The following C2orf42 variants were observed in gnomAD, a reference collection of about 807,000 sequenced individuals.
C2orf42 encodes the protein uncharacterized protein C2orf42.
C2orf42 carries 44 observed loss-of-function variants against 58.9 expected under a neutral mutation model. That is an observed-to-expected ratio of 0.75 (90% confidence interval 0.59 to 0.96). The LOEUF (loss-of-function observed/expected upper bound fraction) is 0.96, where lower values mean the gene tolerates loss of function less well. Ranked by LOEUF, C2orf42 falls within the 40% of genes least tolerant of loss-of-function variation. C2orf42 has a pLI of 0.00. For synonymous variants in C2orf42, 239 were observed against 265.4 expected (o/e 0.90, Z 0.97); for missense variants, 630 against 699.2 (o/e 0.90, Z 1.12).
chr2:70,164,233 G>A (rs1673248423), intron 8 of C2orf42, among the ~76,000 whole-genome samples: 1 of 151,858 alleles, frequency 6.6e-6, no homozygotes, highest in Non-Finnish European at 1.5e-5. Context: ...ATCCCAAGAG[G>A]TGGAGGTAGA....
At position 70,179,520 on chromosome 2, in the gene C2orf42, C is replaced by G. The variant is rs1351705183; in HGVS notation, c.934+12G>C. 1 of 1,152,804 alleles carries G rather than the reference C, an allele frequency of 8.7e-7. No individual in the cohort carries two copies. The highest frequency in any genetic ancestry group is 1.3e-6 in the Non-Finnish European group (1 of 768,782). 71.4% of individuals were successfully genotyped at this position (1,152,804 alleles called of 1,614,324 possible). A position where few individuals can be genotyped will look rare whatever the true frequency, so the allele number is the denominator to read the frequency against. ...AAGACAATACCACCAAACCAACCAA[C>G]CAGACTCTTACCAGATACTTCATCC... On this transcript the variant is annotated intron_variant, in intron 4 of 9. Transcript: ENST00000264434.
chr2:70,189,758 G>A (rs1211396512), intron 1 of C2orf42, among the ~76,000 whole-genome samples: 1 of 151,436 alleles, frequency 6.6e-6, no homozygotes, highest in East Asian at 1.9e-4. Flanking sequence ...TGGACGTGGT[G>A]GCTCACGCCT....
At chr2:70,187,400 G>C (rs116423653) in intron 1 of C2orf42, among the ~76,000 whole-genome samples, 1,542 of 152,018 alleles carry the variant, frequency 0.01, 37 homozygotes, top group African/African-American at 0.036. Context: ...ACAGGTACCT[G>C]CTACCACGCC....
At chr2:70,173,259 C>T (rs562156562) in intron 5 of C2orf42, among the ~76,000 whole-genome samples, 25 of 146,478 alleles carry the variant, frequency 1.7e-4, no homozygotes, top group Admixed American at 4.8e-4. Flanking sequence ...TGCCTAAGTG[C>T]GTAAGTTCTT....
At chr2:70,154,387 A>AC (rs763918673) in intron 9 of C2orf42, among the ~76,000 whole-genome samples, 1 of 141,560 alleles carries the variant, frequency 7.1e-6, no homozygotes, top group East Asian at 2.2e-4. Flanking sequence ...ACATAGTAAG[A>AC]CCCCCATCTC....
chr2:70,159,065 T>C (rs1397634714), intron 9 of C2orf42, among the ~76,000 whole-genome samples: 3 of 150,472 alleles, frequency 2.0e-5, no homozygotes, highest in African/African-American at 7.3e-5. Context: ...TTTTTTGTAT[T>C]TTAGTAGAGA....
Position 70,150,492 on chromosome 2 carries a change from G to C in C2orf42, c.1589C>G (p.Ser530Cys). 6.2e-7 allele frequency: 1 copy of C among 1,614,128 alleles called. No homozygotes were observed. The highest frequency in any genetic ancestry group is 8.5e-7 in the Non-Finnish European group (1 of 1,179,978). ...IEWIPDILPQ[S>C]KIGELRIKFE... ...CTTGATCCGCAGCTCGCCAATCTTAGATTGGGGAAGGATATCTGGGATCCA... is the reference window on the plus strand; with the variant it reads ...CTTGATCCGCAGCTCGCCAATCTTACATTGGGGAAGGATATCTGGGATCCA... Residue 530 changes from serine (S) to cysteine (C), a missense_variant, in exon 10 of 10, where the codon TCT becomes TGT. Ser to Cys is a moderately radical substitution (Grantham distance 112, BLOSUM62 -1). Coordinates refer to ENST00000264434, the MANE Select transcript of C2orf42 (RefSeq NM_017880.3).
chr2:70,154,414 T>TAAAAAAAAAAAAAAAAAA (rs36028499), intron 9 of C2orf42, among the ~76,000 whole-genome samples: 2 of 25,600 alleles, frequency 7.8e-5, no homozygotes, highest in African/African-American at 2.9e-4. Flanking sequence ...AAATTTTTAC[T>TAAAAAAAAAAAAAAAAAA]AAAAAAAAAA....
At chr2:70,162,387 C>T (rs1441045279) in intron 8 of C2orf42, among the ~76,000 whole-genome samples, 3 of 151,504 alleles carry the variant, frequency 2.0e-5, no homozygotes, top group African/African-American at 7.3e-5. Flanking sequence ...CTGGCTCACG[C>T]CTGTAATCCC....
chr2:70,153,129 C>A lies in C2orf42; in HGVS notation c.1517-2565G>T, dbSNP rs192692248. On this transcript the variant is annotated intron_variant, in intron 9 of 9. Transcript: ENST00000264434. ...TTTGGGTGTGAGAAGGAGGAGAAACCCTTGAAAACTATATATGCGGGGAAT... is the reference window on the plus strand; with the variant it reads ...TTTGGGTGTGAGAAGGAGGAGAAACACTTGAAAACTATATATGCGGGGAAT... Among the ~76,000 whole-genome samples the A allele has an allele frequency of 2.0e-4, 30 of 152,062 alleles. 1 individual carries two copies. Among genetic ancestry groups the A allele is most frequent in the Non-Finnish European group, 2.9e-5 (2 of 68,006 alleles).
chr2:70,169,635 G>T lies in C2orf42; in HGVS notation c.1066C>A (p.Gln356Lys), dbSNP rs1673658401. The T allele has an allele frequency of 1.2e-6, 2 of 1,606,704 alleles. No homozygotes were observed. Among genetic ancestry groups the T allele is most frequent in the Admixed American group, 1.7e-5 (1 of 59,910 alleles). The stretch of plus-strand genomic sequence containing the variant: ...CAGTCTTGGAAGGATAAAGTCACTT[G>T]TGCCTCATCTAACAGCTGACCACAG... ...QACGQLLDEA[Q>K]VTLSFQDWLA... Residue 356 changes from glutamine to lysine, a missense_variant, in exon 6 of 10, where the codon CAA (glutamine) becomes AAA (lysine). Physicochemically the swap from Gln to Lys is moderately conservative, Grantham distance 53. Coordinates refer to ENST00000264434, the MANE Select transcript of C2orf42 (RefSeq NM_017880.3).
intron 9 of C2orf42, among the ~76,000 whole-genome samples, chr2:70,152,612 T>C (rs1224256068): frequency 6.6e-6 from 1 of 152,144 alleles, no homozygotes; most frequent in Non-Finnish European, 1.5e-5. Flanking sequence ...GGCTAGTACT[T>C]GTACAGAGCA....
intron 5 of C2orf42, among the ~76,000 whole-genome samples, chr2:70,173,943 G>A (rs1344699298): frequency 1.3e-4 from 20 of 152,214 alleles, no homozygotes; most frequent in Non-Finnish European, 2.8e-4. Context: ...TTGCACATGA[G>A]TAATAAGCAA....
chr2:70,150,639 CGGAA>C (rs1672252779), intron 9 of C2orf42, 75 bp from the exon 10 acceptor site: 2 of 1,070,400 alleles, frequency 1.9e-6, no homozygotes, highest in African/African-American at 3.1e-5. Flanking sequence ...AAAAAGTGTC[CGGAA>C]TTGGAGCAGC....
chr2:70,151,027 G>A (rs1672277557), intron 9 of C2orf42, among the ~76,000 whole-genome samples: 1 of 152,194 alleles, frequency 6.6e-6, no homozygotes, highest in African/African-American at 2.4e-5. Flanking sequence ...ACAGGCGTGA[G>A]CCACCACGCC....
intron 9 of C2orf42, among the ~76,000 whole-genome samples, chr2:70,154,477 C>T (rs1008258037): frequency 1.4e-5 from 2 of 141,780 alleles, no homozygotes; most frequent in Admixed American, 7.1e-5. Flanking sequence ...ATTATAAACC[C>T]GTAATAACCC....
intron 1 of C2orf42, among the ~76,000 whole-genome samples, chr2:70,184,479 ATTTTTTTTTT>A (rs771522645): frequency 1.7e-4 from 13 of 77,356 alleles, no homozygotes; most frequent in African/African-American, 6.4e-4. Context: ...GCCTGGCCCT[ATTTTTTTTTT>A]TTTTTTTTTT....
rs563802318 is a variant in C2orf42 at position 70,160,592 on chromosome 2, T to A, written c.1516+33A>T. On this transcript the variant is annotated intron_variant, in intron 9 of 9. Coordinates refer to ENST00000264434, the MANE Select transcript of C2orf42 (RefSeq NM_017880.3). ...TACTGTACTGTTCACCAGCTGACAC[T>A]CAAAGGAAGATGCAGTTTTGAAGTT... 32 of 1,542,730 alleles carry A rather than the reference T, an allele frequency of 2.1e-5. No individual in the cohort carries two copies. The South Asian group carries it at 3.8e-4, about 18-fold the overall frequency.
intron 9 of C2orf42, among the ~76,000 whole-genome samples, chr2:70,157,752 G>A (rs1173632571): frequency 2.0e-5 from 3 of 152,236 alleles, no homozygotes; most frequent in Non-Finnish European, 2.9e-5. Context: ...AGCCGAGATC[G>A]TGCCACTGCA....
Sources: gnomAD v4.1 joint callset for allele counts (sites outside exome capture counted in the v4.1 genomes callset) on GRCh38, gnomAD v4.1.1 for gene constraint, MANE v1.5 for transcripts, NCBI Gene and HGNC (gene_info 2026-07-23, HGNC 2026-07-21) for gene names.